Variants in DNAH9 observed in about 807,000 individuals in gnomAD.
The protein encoded by DNAH9 is dynein axonemal heavy chain 9, also known as DNAH9 variant protein.
Under a neutral mutation model 471.6 loss-of-function variants are expected in DNAH9, and 345 were observed. That is an observed-to-expected ratio of 0.73 (90% CI 0.67 to 0.80). The LOEUF (loss-of-function observed/expected upper bound fraction) is 0.80, where lower values mean the gene tolerates loss of function less well. DNAH9 is among the 30% of genes least tolerant of loss of function. DNAH9 has a pLI of 0.00. For missense variants in DNAH9, 5,407 were observed against 5,609.2 expected (o/e 0.96, Z 1.15); for synonymous variants, 2,093 against 2,123.6 (o/e 0.99, Z 0.40).
intron 66 of DNAH9, among the ~76,000 whole-genome samples, chr17:11,941,694 GGATAGATAGATA>G (rs58634740): frequency 0.011 from 1,660 of 148,328 alleles, 19 homozygotes; most frequent in African/African-American, 0.026. Flanking sequence ...GTGGATGACC[GGATAGATAGATA>G]GATAGATAGA....
In DNAH9 at chr17:11,640,448, G is replaced by A. The variant is rs547222600; in HGVS notation, c.1901+64G>A. On this transcript the variant is annotated intron_variant, in intron 10 of 68. Coordinates refer to ENST00000262442, the MANE Select transcript of DNAH9 (RefSeq NM_001372.4). ...CTGCTGTTCCTGCTCTAGAATCTGAGTGTTGTAGAAATGCAACCTGCTTAA... is the reference window on the plus strand; with the variant it reads ...CTGCTGTTCCTGCTCTAGAATCTGAATGTTGTAGAAATGCAACCTGCTTAA... 2.1e-5 allele frequency: 23 copies of A among 1,121,852 alleles called. No homozygotes were observed. In the South Asian group the frequency reaches 2.7e-4, roughly 13 times the overall value. The allele number at this position is 1,121,852 out of a possible 1,614,324, so 69.5% of individuals were successfully genotyped here.
chr17:11,843,863 G>GTGTA (rs1253794533), intron 49 of DNAH9, among the ~76,000 whole-genome samples: 14 of 46,466 alleles, frequency 3.0e-4, no homozygotes, highest in South Asian at 2.1e-3. Flanking sequence ...GTGTGTGTGT[G>GTGTA]TATATATATA....
At chr17:11,828,169 G>A (rs1238967724) in intron 48 of DNAH9, among the ~76,000 whole-genome samples, 1 of 151,992 alleles carries the variant, frequency 6.6e-6, no homozygotes, top group African/African-American at 2.4e-5. Flanking sequence ...AGCCAGAGTG[G>A]TCAATTTAGA....
At chr17:11,616,522 G>A (rs2072747814) in intron 4 of DNAH9, among the ~76,000 whole-genome samples, 1 of 152,124 alleles carries the variant, frequency 6.6e-6, no homozygotes, top group East Asian at 1.9e-4. Context: ...CAGTGCTGCT[G>A]GATTTCCTAG....
intron 25 of DNAH9, 137 bp downstream of exon 25, chr17:11,704,579 C>T: frequency 1.4e-6 from 1 of 730,796 alleles, no homozygotes; most frequent in Admixed American, 3.2e-5. Context: ...GTGGCTGCTC[C>T]TACTTTTTTT....
At chr17:11,888,173 A>G (rs1055653561) in intron 57 of DNAH9, among the ~76,000 whole-genome samples, 3 of 151,406 alleles carry the variant, frequency 2.0e-5, no homozygotes, top group Admixed American at 1.3e-4. Context: ...TTTAGTAGAG[A>G]CGGGGTTTCA....
At chr17:11,641,345 A>G (rs957652587) in intron 10 of DNAH9, among the ~76,000 whole-genome samples, 15 of 152,126 alleles carry the variant, frequency 9.9e-5, no homozygotes, top group African/African-American at 3.4e-4. Context: ...AGAGTTGGAC[A>G]TCCAATTTTC....
chr17:11,712,364 C>T (rs1387024078), intron 26 of DNAH9, among the ~76,000 whole-genome samples: 1 of 151,590 alleles, frequency 6.6e-6, no homozygotes, highest in East Asian at 1.9e-4. Context: ...TCAGCTGAGG[C>T]TGTTATAAAC....
intron 52 of DNAH9, among the ~76,000 whole-genome samples, chr17:11,872,195 G>A (rs1461168955): frequency 6.6e-6 from 1 of 152,096 alleles, no homozygotes; most frequent in Admixed American, 6.6e-5. Flanking sequence ...CCTTGTTACT[G>A]GGCCCTAAAG....
At chr17:11,881,494 G>C (rs1233944626) in intron 55 of DNAH9, 81 bp downstream of exon 55, 2 of 1,423,850 alleles carry the variant, frequency 1.4e-6, no homozygotes, top group African/African-American at 2.9e-5. Context: ...GAGGGGGGCT[G>C]TTTTTCCTGG....
In DNAH9 at chr17:11,944,808, C is replaced by G. The variant is rs149728937; in HGVS notation, c.12843+2323C>G. Among the ~76,000 whole-genome samples, 11 of 152,234 alleles carry G rather than the reference C, an allele frequency of 7.2e-5. No individual in the cohort carries two copies. The South Asian group carries it at 1.0e-3, about 14-fold the overall frequency. On this transcript the variant is annotated intron_variant, in intron 67 of 68. Transcript: ENST00000262442. ...CCTGGAAGTCCGTAATGTTTCATCA[C>G]CAGCCAGGAAATTCTTATGATGACT...
chr17:11,686,857 CAAATT>C (rs928005119), intron 19 of DNAH9, among the ~76,000 whole-genome samples: 12 of 152,218 alleles, frequency 7.9e-5, no homozygotes, highest in African/African-American at 1.2e-4. Context: ...GTTCCACTAA[CAAATT>C]AAACAGCATG....
At chr17:11,661,541 A>G (rs1297052095) in intron 14 of DNAH9, among the ~76,000 whole-genome samples, 2 of 151,994 alleles carry the variant, frequency 1.3e-5, no homozygotes, top group South Asian at 2.1e-4. Flanking sequence ...GTAACTGTAT[A>G]TTTTTTAGTA....
At chr17:11,864,350 C>G (rs1195530073) in intron 50 of DNAH9, among the ~76,000 whole-genome samples, 1 of 152,150 alleles carries the variant, frequency 6.6e-6, no homozygotes, top group Non-Finnish European at 1.5e-5. Flanking sequence ...GTTTCTTAAT[C>G]CTGAGTTCTA....
chr17:11,664,128 G>C lies in DNAH9; in HGVS notation c.2596-705G>C, dbSNP rs572937825. Among the ~76,000 whole-genome samples, 11 of 152,256 alleles carry C rather than the reference G, an allele frequency of 7.2e-5. No homozygotes were observed. In the East Asian group the frequency reaches 2.1e-3, roughly 29 times the overall value. ...AAGTGTTAATACTGCAAATGACAAA[G>C]AGTAAATGGGATGTCTGTACTTGGC... On this transcript the variant is annotated intron_variant, in intron 14 of 68. Transcript: ENST00000262442.
At chr17:11,890,064 A>AT (rs912688078) in intron 57 of DNAH9, among the ~76,000 whole-genome samples, 14 of 152,194 alleles carry the variant, frequency 9.2e-5, no homozygotes, top group African/African-American at 2.2e-4. Flanking sequence ...TAGGTTTTTA[A>AT]TTTTTTTTAC....
In DNAH9 at chr17:11,784,435, G is replaced by A. The variant is rs776546816; in HGVS notation, c.7957G>A (p.Asp2653Asn). The A allele has an allele frequency of 6.2e-6, 10 of 1,613,986 alleles. No individual in the cohort carries two copies. In the Admixed American group the frequency reaches 1.2e-4, roughly 19 times the overall value. Residue 2653 changes from aspartate to asparagine, a missense_variant, in exon 41 of 69, where the codon GAT (aspartate) becomes AAT (asparagine). By Grantham distance (23) the Asp-to-Asn change is conservative (BLOSUM62 1). This residue lies in a region of DNAH9 where 4,636 missense variants were observed against 4,900.3 expected (regional missense o/e 0.95). Transcript: ENST00000262442. ...SLQKSIPPLI[D>N]LALAFHQKIA... Reference sequence around the variant, plus strand: ...GCAGAAATCCATCCCCCCACTGATCGATCTGGCCCTCGCCTTCCACCAGAA... The same window carrying A: ...GCAGAAATCCATCCCCCCACTGATCAATCTGGCCCTCGCCTTCCACCAGAA...
intron 49 of DNAH9, among the ~76,000 whole-genome samples, chr17:11,839,288 G>A (rs755059881): frequency 1.7e-4 from 25 of 151,226 alleles, no homozygotes; most frequent in Non-Finnish European, 3.2e-4. Flanking sequence ...AGGCCGAGGC[G>A]GGCGGATCAC....
intron 8 of DNAH9, among the ~76,000 whole-genome samples, chr17:11,636,010 T>G (rs144276433): frequency 2.3e-4 from 35 of 151,290 alleles, no homozygotes; most frequent in East Asian, 1.9e-3. Flanking sequence ...GTTTGTTTGG[T>G]TTTTTTTTGA....
Sources: allele counts gnomAD v4.1 joint callset (sites outside exome capture counted in the v4.1 genomes callset), GRCh38; gene constraint gnomAD v4.1.1; regional missense constraint gnomAD v4.1.1; transcripts MANE v1.5; gene names NCBI Gene and HGNC (gene_info 2026-07-23, HGNC 2026-07-21).